KIAA1217: variants seen among roughly 807,000 people sequenced by gnomAD.
KIAA1217 encodes KIAA1217.
KIAA1217 carries 88 observed loss-of-function variants against 163.9 expected under a neutral mutation model. The ratio of observed to expected loss-of-function variants is 0.54; its 90% confidence interval spans 0.45 to 0.64. The LOEUF is 0.64. KIAA1217 is among the 30% of genes least tolerant of loss of function. The pLI, the probability that KIAA1217 is intolerant of heterozygous loss-of-function variation, is 0.00. For missense variants in KIAA1217, 2,372 were observed against 2,475.0 expected, an observed-to-expected ratio of 0.96 and a Z score of 0.88; for synonymous variants, 903 against 923.1, an observed-to-expected ratio of 0.98 and a Z score of 0.39.
At chr10:24,230,525 A>G (rs570477863) in intron 2 of KIAA1217, among the ~76,000 whole-genome samples, 61 of 10,640 alleles carry the variant, frequency 5.7e-3, no homozygotes, top group African/African-American at 0.022. Flanking sequence ...TTTTTTTTTG[A>G]GACAGAGTCT....
intron 2 of KIAA1217, among the ~76,000 whole-genome samples, chr10:24,174,888 C>T (rs1282259617): frequency 6.6e-6 from 1 of 151,964 alleles, no homozygotes; most frequent in Non-Finnish European, 1.5e-5. Flanking sequence ...GATGGAGTCT[C>T]CCTCTGTCAC....
At chr10:24,064,081 C>A (rs1378191435) in intron 2 of KIAA1217, among the ~76,000 whole-genome samples, 3 of 152,204 alleles carry the variant, frequency 2.0e-5, no homozygotes, top group Non-Finnish European at 4.4e-5. Context: ...ATCATGTCAT[C>A]TGCAAACAGG....
chr10:23,982,846 G>A (rs998276172), intron 1 of KIAA1217, among the ~76,000 whole-genome samples: 1 of 152,110 alleles, frequency 6.6e-6, no homozygotes, highest in Non-Finnish European at 1.5e-5. Context: ...TTACAGGCAT[G>A]AGCCACAGCA....
intron 1 of KIAA1217, among the ~76,000 whole-genome samples, chr10:23,818,349 A>AC (rs1488592375): frequency 3.2e-5 from 4 of 126,854 alleles, no homozygotes; most frequent in African/African-American, 1.3e-4. Flanking sequence ...TATATATAAA[A>AC]AAATATATAT....
chr10:24,495,802 G>GA (rs2066713213), intron 8 of KIAA1217, among the ~76,000 whole-genome samples: 1 of 152,190 alleles, frequency 6.6e-6, no homozygotes, highest in Non-Finnish European at 1.5e-5. Context: ...CCAGATGGGA[G>GA]AAAAAGGAGT....
intron 2 of KIAA1217, among the ~76,000 whole-genome samples, chr10:24,069,843 C>A (rs1177331028): frequency 6.6e-6 from 1 of 151,620 alleles, no homozygotes; most frequent in East Asian, 1.9e-4. Flanking sequence ...CCATTTTTTT[C>A]TTTTCTCTTT....
At chr10:23,922,335 A>G (rs895394186) in intron 1 of KIAA1217, among the ~76,000 whole-genome samples, 14 of 152,172 alleles carry the variant, frequency 9.2e-5, no homozygotes, top group Non-Finnish European at 1.5e-4. Context: ...TGTATCCTTT[A>G]TAATATCTTT....
intron 1 of KIAA1217, among the ~76,000 whole-genome samples, chr10:23,889,758 G>A (rs1589021060): frequency 1.3e-5 from 2 of 151,772 alleles, no homozygotes; most frequent in South Asian, 4.1e-4. Flanking sequence ...AATGACCTAC[G>A]ATAGAGTTGA....
Position 23,984,827 on chromosome 10 carries a change from G to A in KIAA1217, c.-320-22398G>A, listed in dbSNP as rs189741751. 1.3e-4 allele frequency among the ~76,000 whole-genome samples: 20 copies of A among 152,040 alleles called. No homozygotes were observed. In the East Asian group the frequency reaches 2.7e-3, roughly 21 times the overall value. On this transcript the variant is annotated intron_variant, in intron 1 of 18. Coordinates refer to the KIAA1217 transcript ENST00000376462. ...CCTAATGCATGCGGGGCTTAAAACC[G>A]AGATGATGGGTTGATGGGTGCAGCA...
chr10:23,981,664 T>A (rs1159475442), intron 1 of KIAA1217, among the ~76,000 whole-genome samples: 1 of 152,204 alleles, frequency 6.6e-6, no homozygotes, highest in African/African-American at 2.4e-5. Context: ...ATTTTCCCCC[T>A]GGAAATATAT....
chr10:23,711,768 T>A (rs1354677456), intron 1 of KIAA1217, among the ~76,000 whole-genome samples: 3 of 152,182 alleles, frequency 2.0e-5, no homozygotes, highest in Admixed American at 6.6e-5. Flanking sequence ...ATCAACCACC[T>A]TCCTCTCCTG....
chr10:24,493,543 A>G (rs940361984), intron 6 of KIAA1217, among the ~76,000 whole-genome samples: 1 of 152,248 alleles, frequency 6.6e-6, no homozygotes, highest in African/African-American at 2.4e-5. Context: ...AGGTCTAGAA[A>G]TGTGAGTCTA....
At chr10:24,400,717 G>A (rs2056424745) in intron 3 of KIAA1217, among the ~76,000 whole-genome samples, 1 of 152,016 alleles carries the variant, frequency 6.6e-6, no homozygotes, top group Admixed American at 6.6e-5. Context: ...GAGAGAAATA[G>A]TCAACCAGAA....
intron 1 of KIAA1217, among the ~76,000 whole-genome samples, chr10:23,941,839 G>A (rs1448087422): frequency 6.6e-6 from 1 of 152,086 alleles, no homozygotes; most frequent in African/African-American, 2.4e-5. Context: ...ATTTCAAAAA[G>A]CCAAACCTTA....
rs183955636 is a variant in KIAA1217, at chr10:24,298,497, G to A, written c.354+78588G>A. Among the ~76,000 whole-genome samples the A allele has an allele frequency of 1.6e-3, 242 of 152,210 alleles. 1 individual carries two copies. Among genetic ancestry groups the A allele is most frequent in the Non-Finnish European group, 1.3e-3 (89 of 68,020 alleles). On this transcript the variant is annotated intron_variant, in intron 2 of 20. Transcript: ENST00000376454. ...TTAAAGGCTCAGACTTAATCAAAGG[G>A]TTAGAAATAGGAGTAGCGAGCCGGG...
Position 24,483,403 on chromosome 10 carries a change from C to T in KIAA1217, c.1679+9343C>T, listed in dbSNP as rs532296771. Among the ~76,000 whole-genome samples the T allele has an allele frequency of 8.5e-5, 13 of 152,280 alleles. No individual in the cohort carries two copies. The South Asian group carries it at 2.7e-3, about 32-fold the overall frequency. ...TCTCATTGGGGAGGCCAGAGTGACC[C>T]CGTTAAAACGTGAGACCTTTCATGT... On this transcript the variant is annotated intron_variant, in intron 6 of 20. Transcript: ENST00000376454.
chr10:24,467,896 T>A (rs563458109), intron 5 of KIAA1217, among the ~76,000 whole-genome samples: 1 of 152,216 alleles, frequency 6.6e-6, no homozygotes, highest in South Asian at 2.1e-4. Flanking sequence ...GGTCTGACTT[T>A]GAGTACCAGC....
rs1433817420 is a variant in KIAA1217, at chr10:24,545,558, G to C, written c.5335-269G>C. On this transcript the variant is annotated intron_variant, in intron 20 of 20. Transcript: ENST00000376454. ...ATTATCCAGACGCATGGCCCACCTG[G>C]CACACAGGAAATGGTAGAGCTGGAA... is the stretch of plus-strand genomic sequence containing the variant. 3.7e-6 allele frequency: 5 copies of C among 1,345,054 alleles called. No homozygotes were observed. The African/African-American group carries it at 7.3e-5, about 20-fold the overall frequency. 83.3% of individuals were successfully genotyped at this position (1,345,054 alleles called of 1,614,324 possible). A position where few individuals can be genotyped will look rare whatever the true frequency, so the allele number is the denominator to read the frequency against.
intron 6 of KIAA1217, among the ~76,000 whole-genome samples, chr10:24,493,142 G>A (rs115637847): frequency 0.027 from 4,174 of 152,262 alleles, 180 homozygotes; most frequent in African/African-American, 0.092. Flanking sequence ...CACCGTGCCC[G>A]GCCAGACCAT....
Sources: gnomAD v4.1 joint callset for allele counts (sites outside exome capture counted in the v4.1 genomes callset) on GRCh38, gnomAD v4.1.1 for gene constraint, MANE v1.5 for transcripts, NCBI Gene and HGNC (gene_info 2026-07-23, HGNC 2026-07-21) for gene names.